The following ANO5 variants were observed in gnomAD, a reference collection of about 807,000 sequenced individuals.
The protein encoded by ANO5 is anoctamin 5.
Under a neutral mutation model 121.0 loss-of-function variants are expected in ANO5, and 109 were observed. That is an observed-to-expected ratio of 0.90 (90% CI 0.77 to 1.06). ANO5 has a LOEUF of 1.06. ANO5 is among the 50% of genes least tolerant of loss of function. The probability of loss-of-function intolerance (pLI) is 0.00; values close to 1 mark genes in which losing one functional copy is unlikely to be tolerated. For missense variants in ANO5, 1,064 were observed against 1,078.5 expected (o/e 0.99, Z 0.19); for synonymous variants, 406 against 359.9 (o/e 1.13, Z -1.45).
chr11:22,197,171 A>G (rs192529734), intron 1 of ANO5, among the ~76,000 whole-genome samples: 83 of 152,316 alleles, frequency 5.4e-4, no homozygotes, highest in African/African-American at 1.9e-3. Flanking sequence ...TCTAAGATTT[A>G]TTACATCTTC....
Position 22,262,958 on chromosome 11 carries a change from G to A in ANO5, c.1813G>A (p.Gly605Ser). 3.1e-6 allele frequency: 5 copies of A among 1,612,962 alleles called. No individual in the cohort carries two copies. The highest frequency in any genetic ancestry group is 1.1e-5 in the South Asian group (1 of 91,058). ...TGCTTCTGACTAGTGTGATCCTGGA[G>A]GCTGTCTTATAGAATTGACAACCCA... is the stretch of plus-strand genomic sequence containing the variant. ...EWRSEECDPG[G>S]CLIELTTQLT... Residue 605 changes from glycine (G) to serine (S), a missense_variant, in exon 17 of 22, where the codon GGC becomes AGC. By Grantham distance (56) the Gly-to-Ser change is moderately conservative. Coordinates refer to ENST00000324559, the MANE Select transcript of ANO5 (RefSeq NM_213599.3).
At chr11:22,233,177 A>G (rs997159288) in intron 7 of ANO5, among the ~76,000 whole-genome samples, 2 of 151,516 alleles carry the variant, frequency 1.3e-5, no homozygotes, top group Admixed American at 6.6e-5. Flanking sequence ...CTTAGGCTAA[A>G]CTCCCATGGA....
At chr11:22,277,832 A>G (rs905692537) in intron 21 of ANO5, 3 of 151,472 alleles carry the variant, frequency 2.0e-5, no homozygotes, top group African/African-American at 4.8e-5. Flanking sequence ...CTTGTCTTCT[A>G]TTGAAGACTA....
intron 7 of ANO5, among the ~76,000 whole-genome samples, chr11:22,230,643 A>G (rs535438686): frequency 6.6e-6 from 1 of 152,124 alleles, no homozygotes; most frequent in Non-Finnish European, 1.5e-5. Context: ...CCTAAAGCCA[A>G]ACTTTTAACT....
Position 22,193,316 on chromosome 11 carries a change from TCC to T in ANO5, c.-176_-175del. The T allele has an allele frequency of 3.1e-6, 1 of 326,652 alleles. No homozygotes were observed. Among genetic ancestry groups the T allele is most frequent in the Non-Finnish European group, 4.2e-6 (1 of 240,512 alleles). The allele number at this position is 326,652 out of a possible 1,614,324, so 20.2% of individuals were successfully genotyped here. ...GCTGTGGCGCCCAGAGACGGTGGAGTCCGAGGAGGAGGAGAAGGAGGCCTGCA... is the reference window on the plus strand; with the variant it reads ...GCTGTGGCGCCCAGAGACGGTGGAGTGAGGAGGAGGAGAAGGAGGCCTGCA... On this transcript the variant is annotated 5_prime_UTR_variant, in exon 1 of 22. Transcript: ENST00000324559.
intron 17 of ANO5, among the ~76,000 whole-genome samples, chr11:22,266,267 A>G (rs73483406): frequency 0.13 from 20,240 of 151,990 alleles, 3,881 homozygotes; most frequent in African/African-American, 0.42. Context: ...TCTTGAACTG[A>G]GTGATCTCTT....
rs897509106 is a variant in ANO5 at position 22,239,768 on chromosome 11, T to G, written c.878+84T>G. On this transcript the variant is annotated intron_variant, in intron 9 of 21. Coordinates refer to ENST00000324559, the MANE Select transcript of ANO5 (RefSeq NM_213599.3). ...AATGGCATAATATTTTTTTTACTAC[T>G]ATTTTCTCCCACTACATTTCACAAC... The G allele has an allele frequency of 2.8e-6, 3 of 1,053,294 alleles. No individual in the cohort carries two copies. The African/African-American group carries it at 4.7e-5, about 17-fold the overall frequency. 65.2% of individuals were successfully genotyped at this position (1,053,294 alleles called of 1,614,324 possible).
intron 1 of ANO5, among the ~76,000 whole-genome samples, chr11:22,196,541 G>A (rs192591505): frequency 6.9e-6 from 1 of 144,546 alleles, no homozygotes; most frequent in East Asian, 2.0e-4. Context: ...TGGATTTTTA[G>A]AACTCTGCTT....
At position 22,221,141 on chromosome 11, in the gene ANO5, T is replaced by C. The variant is rs1590236477; in HGVS notation, c.225T>C (p.Asp75=). The C allele has an allele frequency of 5.0e-6, 8 of 1,611,932 alleles. No homozygotes were observed. Among genetic ancestry groups the C allele is most frequent in the Non-Finnish European group, 6.8e-6 (8 of 1,178,692 alleles). The part of the protein sequence containing the change: ...QQSKDSIFFR[D]GIRQIDFVLS... ...GCAAAGATTCTATCTTCTTCCGAGATGGGATTAGGCAAATTGATTTTGTGC... is the reference window on the plus strand; with the variant it reads ...GCAAAGATTCTATCTTCTTCCGAGACGGGATTAGGCAAATTGATTTTGTGC... The change falls in exon 5 of 22, where the codon GAT becomes GAC. Residue 75 remains aspartate (D), a synonymous_variant. Transcript: ENST00000324559.
chr11:22,278,931 C>T lies in ANO5; in HGVS notation c.2521-613C>T, dbSNP rs577349574. Among the ~76,000 whole-genome samples the T allele has an allele frequency of 8.3e-4, 126 of 151,372 alleles. No homozygotes were observed. The highest frequency in any genetic ancestry group is 1.4e-3 in the Non-Finnish European group (94 of 67,590). Reference sequence around the variant, plus strand: ...TCATACCTCCACTGTGTCTGGTGCCCCTGGATTCACAGCTTTGTGGTATAA... The same window carrying T: ...TCATACCTCCACTGTGTCTGGTGCCTCTGGATTCACAGCTTTGTGGTATAA... On this transcript the variant is annotated intron_variant, in intron 21 of 21. Transcript: ENST00000324559.
At chr11:22,256,930 C>A (rs144168927) in intron 13 of ANO5, among the ~76,000 whole-genome samples, 264 of 152,250 alleles carry the variant, frequency 1.7e-3, no homozygotes, top group Middle Eastern at 3.4e-3. Context: ...CCTACATGCA[C>A]ACACATTCTG....
chr11:22,264,477 A>C (rs1399768877), intron 17 of ANO5, among the ~76,000 whole-genome samples: 1 of 151,782 alleles, frequency 6.6e-6, no homozygotes, highest in East Asian at 1.9e-4. Context: ...AAAAATTTTA[A>C]AAAAAAAACA....
intron 1 of ANO5, among the ~76,000 whole-genome samples, chr11:22,198,686 ATTGT>A (rs1309818284): frequency 6.6e-6 from 1 of 152,114 alleles, no homozygotes; most frequent in African/African-American, 2.4e-5. Flanking sequence ...CAGTTGCTTG[ATTGT>A]TCTGTGATTG....
intron 3 of ANO5, among the ~76,000 whole-genome samples, chr11:22,215,120 A>C (rs1190443998): frequency 1.3e-5 from 2 of 151,990 alleles, no homozygotes; most frequent in African/African-American, 2.4e-5. Context: ...TTTAGAGTTT[A>C]GTAAGCAAAG....
intron 15 of ANO5, chr11:22,261,478 C>T (rs1854186194): frequency 1.3e-5 from 2 of 152,808 alleles, no homozygotes; most frequent in South Asian, 4.1e-4. Context: ...GCCTGGCCAA[C>T]ATGGTGAAAC....
At chr11:22,276,235 TTC>T in intron 21 of ANO5, 36 bp downstream of exon 21, 1 of 1,491,086 alleles carries the variant, frequency 6.7e-7, no homozygotes, top group Non-Finnish European at 9.4e-7. Flanking sequence ...AGTTACTCTC[TTC>T]TCTCTTTAGG....
intron 21 of ANO5, among the ~76,000 whole-genome samples, chr11:22,278,896 C>G (rs200008650): frequency 7.0e-5 from 10 of 143,226 alleles, no homozygotes; most frequent in Admixed American, 5.6e-4. Context: ...TTTTTTTTTT[C>G]AATATGTTGT....
intron 4 of ANO5, among the ~76,000 whole-genome samples, chr11:22,219,803 GA>G (rs1316812154): frequency 6.6e-6 from 1 of 151,220 alleles, no homozygotes; most frequent in Non-Finnish European, 1.5e-5. Flanking sequence ...AATAGGAGAT[GA>G]TTATGCATCC....
chr11:22,263,270 T>A (rs967208466), intron 17 of ANO5, among the ~76,000 whole-genome samples: 2 of 152,164 alleles, frequency 1.3e-5, no homozygotes, highest in Admixed American at 6.5e-5. Context: ...TTTTAAAAAA[T>A]TTTATTTGAC....
Sources: gnomAD v4.1 joint callset for allele counts (sites outside exome capture counted in the v4.1 genomes callset) on GRCh38, gnomAD v4.1.1 for gene constraint, MANE v1.5 for transcripts, NCBI Gene and HGNC (gene_info 2026-07-23, HGNC 2026-07-21) for gene names.